CCDC18: variants seen among roughly 807,000 people sequenced by gnomAD.
CCDC18 encodes the protein coiled-coil domain containing 18.
Under a neutral mutation model 196.0 loss-of-function variants are expected in CCDC18, and 157 were observed. The ratio of observed to expected loss-of-function variants is 0.80; its 90% CI spans 0.70 to 0.91. CCDC18 has a LOEUF of 0.91. Ranked by LOEUF, CCDC18 falls within the 40% of genes least tolerant of loss-of-function variation. CCDC18 has a pLI of 0.00. For missense variants in CCDC18, 1,465 were observed against 1,611.6 expected (o/e 0.91, Z 1.56); for synonymous variants, 482 against 529.2 (o/e 0.91, Z 1.22).
In CCDC18 at chr1:93,180,948, C is replaced by T. The variant is rs182184142; in HGVS notation, c.-3+96C>T. On this transcript the variant is annotated intron_variant, in intron 1 of 28. Coordinates refer to ENST00000690025, the MANE Select transcript of CCDC18 (RefSeq NM_001378204.1). ...GGGGGAGTTCTGTTCCTTTCCCTCCCGGCACCTTGGATGCGCTGGGACTGG... is the reference window on the plus strand; with the variant it reads ...GGGGGAGTTCTGTTCCTTTCCCTCCTGGCACCTTGGATGCGCTGGGACTGG... 568 of 1,211,776 alleles carry T rather than the reference C, an allele frequency of 4.7e-4. 3 individuals carry two copies. The highest frequency in any genetic ancestry group is 1.5e-3 in the African/African-American group (98 of 65,488). 75.1% of individuals were successfully genotyped at this position (1,211,776 alleles called of 1,614,324 possible). A position where few individuals can be genotyped will look rare whatever the true frequency, so the allele number is the denominator to read the frequency against.
At position 93,270,838 on chromosome 1, in the gene CCDC18, CTG is replaced by C. The variant is rs572629752; in HGVS notation, c.4353+26_4353+27del. 9 of 1,396,990 alleles carry C rather than the reference CTG, an allele frequency of 6.4e-6. No individual in the cohort carries two copies. The South Asian group carries it at 1.2e-4, about 19-fold the overall frequency. 86.5% of individuals were successfully genotyped at this position (1,396,990 alleles called of 1,614,324 possible). On this transcript the variant is annotated intron_variant, in intron 28 of 28. Coordinates refer to ENST00000690025, the MANE Select transcript of CCDC18 (RefSeq NM_001378204.1). ...AGGTATGTATTTTATACACTGTAAACTGTAATAATTTGTTTCCAAAGAATATC... is the reference window on the plus strand; with the variant it reads ...AGGTATGTATTTTATACACTGTAAACTAATAATTTGTTTCCAAAGAATATC...
At position 93,264,778 on chromosome 1, in the gene CCDC18, C is replaced by T. The variant is rs546245514; in HGVS notation, c.3762C>T (p.Asn1254=). The T allele has an allele frequency of 2.2e-5, 35 of 1,612,394 alleles. No individual in the cohort carries two copies. The highest frequency in any genetic ancestry group is 1.7e-4 in the Middle Eastern group (1 of 6,054). Residue 1254 remains asparagine, a synonymous_variant, in exon 27 of 29, where the codon AAC becomes AAT. Coordinates refer to ENST00000690025, the MANE Select transcript of CCDC18 (RefSeq NM_001378204.1). ...DSQKSSVQQL[N]EQLEKAKLEL... ...AAAAGTCTTCTGTTCAGCAACTAAA[C>T]GAACAGTTAGAGAAGGCAAAATTGG... is the stretch of plus-strand genomic sequence containing the variant.
intron 9 of CCDC18, 30 bp from the exon 10 acceptor site, chr1:93,210,772 G>C: frequency 1.3e-6 from 2 of 1,537,346 alleles, no homozygotes; most frequent in Non-Finnish European, 1.8e-6. Context: ...ATTTACATAA[G>C]TTTACATATG....
At chr1:93,264,649 G>A (rs1664250340) in intron 26 of CCDC18, 52 bp from the exon 27 acceptor site, 2 of 1,118,778 alleles carry the variant, frequency 1.8e-6, no homozygotes, top group Admixed American at 2.2e-5. Context: ...GTCGAATCCA[G>A]TTTCCTTCCA....
chr1:93,264,848 G>C lies in CCDC18; in HGVS notation c.3832G>C (p.Val1278Leu), dbSNP rs1664285915. ...QDTVSNLHQQ[V>L]QDRNEVIEAA... ...TACTGTAAGCAATTTGCATCAACAA[G>C]TCCAAGATAGGAATGAAGTAATTGA... The change falls in exon 27 of 29, where the codon GTC (valine) becomes CTC (leucine). Residue 1278 changes from valine to leucine, a missense_variant. Physicochemically the swap from Val to Leu is conservative, Grantham distance 32. Transcript: ENST00000690025. The C allele has an allele frequency of 6.2e-7, 1 of 1,613,376 alleles. No individual in the cohort carries two copies. Among genetic ancestry groups the C allele is most frequent in the African/African-American group, 1.3e-5 (1 of 74,872 alleles).
At position 93,239,784 on chromosome 1, in the gene CCDC18, G is replaced by C; in HGVS notation, c.2869G>C (p.Glu957Gln). ...LETELQNAHG[E>Q]LKSTLRQLQE... is the part of the protein sequence containing the mutation. ...GACTGAACTACAAAATGCTCATGGA[G>C]AATTAAAAAGTACTTTAAGACAACT... is the stretch of plus-strand genomic sequence containing the variant. Residue 957 changes from glutamate to glutamine, a missense_variant, in exon 21 of 29, where the codon GAA becomes CAA. Coordinates refer to ENST00000690025, the MANE Select transcript of CCDC18 (RefSeq NM_001378204.1). 3 of 1,613,436 alleles carry C rather than the reference G, an allele frequency of 1.9e-6. No individual in the cohort carries two copies. Among genetic ancestry groups the C allele is most frequent in the Non-Finnish European group, 2.5e-6 (3 of 1,179,550 alleles).
intron 21 of CCDC18, among the ~76,000 whole-genome samples, chr1:93,245,328 C>T (rs559352639): frequency 1.3e-5 from 2 of 152,194 alleles, no homozygotes; most frequent in African/African-American, 4.8e-5. Context: ...GTGTTATATA[C>T]CTCTTGAGAC....
Position 93,270,332 on chromosome 1 carries a change from C to A in CCDC18, c.3886-15C>A, listed in dbSNP as rs1048037567. ...AAATGTATTGAGCACCTACTATGTA[C>A]CAATTTATCTGCAGGAATCAGAATT... On this transcript the variant is annotated splice_polypyrimidine_tract_variant and intron_variant, in intron 27 of 28. Coordinates refer to ENST00000690025, the MANE Select transcript of CCDC18 (RefSeq NM_001378204.1). The A allele has an allele frequency of 6.8e-7, 1 of 1,460,292 alleles. No individual in the cohort carries two copies. The highest frequency in any genetic ancestry group is 1.4e-5 in the African/African-American group (1 of 70,794). The allele number at this position is 1,460,292 out of a possible 1,614,324, so 90.5% of individuals were successfully genotyped here.
intron 23 of CCDC18, among the ~76,000 whole-genome samples, chr1:93,248,431 T>C (rs1661786079): frequency 6.6e-6 from 1 of 152,226 alleles, no homozygotes; most frequent in Non-Finnish European, 1.5e-5. Flanking sequence ...TATATGGTTT[T>C]TGTCCTTGAT....
chr1:93,240,973 A>T (rs1024982622), intron 21 of CCDC18, among the ~76,000 whole-genome samples: 2 of 151,966 alleles, frequency 1.3e-5, no homozygotes, highest in South Asian at 4.1e-4. Flanking sequence ...ACATATATAT[A>T]TATTTTTTTT....
At chr1:93,216,593 A>G (rs1656510807) in intron 12 of CCDC18, 43 bp from the exon 13 acceptor site, 2 of 1,013,720 alleles carry the variant, frequency 2.0e-6, no homozygotes, top group Non-Finnish European at 1.5e-6. Context: ...CAAAATCATT[A>G]CCTTTAAAAA....
chr1:93,265,807 A>C (rs562398115), intron 27 of CCDC18, among the ~76,000 whole-genome samples: 3 of 152,316 alleles, frequency 2.0e-5, no homozygotes, highest in Non-Finnish European at 2.9e-5. Flanking sequence ...GTCCTTAGAG[A>C]CCTACAAAGA....
At chr1:93,241,284 C>T (rs376157789) in intron 21 of CCDC18, among the ~76,000 whole-genome samples, 19 of 152,124 alleles carry the variant, frequency 1.2e-4, no homozygotes, top group Admixed American at 2.0e-4. Context: ...CCATTGATTT[C>T]GTGGCCTCTT....
rs372389242 is a variant in CCDC18, at chr1:93,226,419, T to A, written c.2262T>A (p.Phe754Leu). The change falls in exon 17 of 29, where the codon TTT (phenylalanine) becomes TTA (leucine). Residue 754 changes from phenylalanine (F) to leucine (L), a missense_variant. Coordinates refer to ENST00000690025, the MANE Select transcript of CCDC18 (RefSeq NM_001378204.1). ...AATTGGAAGGAAATAAGGAAAAGTTTGAAAAACAGTTAAAGAAGAAATCTG... is the reference window on the plus strand; with the variant it reads ...AATTGGAAGGAAATAAGGAAAAGTTAGAAAAACAGTTAAAGAAGAAATCTG... ...LNQLEGNKEK[F>L]EKQLKKKSEE... 4.5e-6 allele frequency: 7 copies of A among 1,555,172 alleles called. No homozygotes were observed. The highest frequency in any genetic ancestry group is 6.2e-6 in the Non-Finnish European group (7 of 1,129,510).
chr1:93,226,213 C>T, intron 16 of CCDC18, 120 bp from the exon 17 acceptor site: 3 of 459,498 alleles, frequency 6.5e-6, no homozygotes, highest in Non-Finnish European at 1.2e-5. Flanking sequence ...ATTTTATATC[C>T]TAAGTAGGAC....
intron 14 of CCDC18, among the ~76,000 whole-genome samples, chr1:93,220,678 C>T (rs1657287152): frequency 6.6e-6 from 1 of 152,106 alleles, no homozygotes; most frequent in South Asian, 2.1e-4. Context: ...AGATTTGTCA[C>T]ATAGGTAAAT....
chr1:93,214,162 T>G (rs1656117535), intron 11 of CCDC18, among the ~76,000 whole-genome samples: 1 of 152,172 alleles, frequency 6.6e-6, no homozygotes, highest in African/African-American at 2.4e-5. Context: ...TGGGCTCAAG[T>G]GATCCTCACA....
chr1:93,266,471 C>T (rs926073761), intron 27 of CCDC18, among the ~76,000 whole-genome samples: 4 of 151,956 alleles, frequency 2.6e-5, no homozygotes, highest in African/African-American at 9.7e-5. Flanking sequence ...GATAGAGACA[C>T]AAAAAACCCT....
chr1:93,243,115 C>T (rs1487747889), intron 21 of CCDC18, among the ~76,000 whole-genome samples: 1 of 152,216 alleles, frequency 6.6e-6, no homozygotes, highest in Non-Finnish European at 1.5e-5. Flanking sequence ...GGGGTGCCCA[C>T]CCCACATTTC....
Sources: gnomAD v4.1 joint callset for allele counts (sites outside exome capture counted in the v4.1 genomes callset) on GRCh38, gnomAD v4.1.1 for gene constraint, MANE v1.5 for transcripts, NCBI Gene and HGNC (gene_info 2026-07-23, HGNC 2026-07-21) for gene names.